HAPLN1: variants seen among roughly 807,000 people sequenced by gnomAD.
HAPLN1 encodes the protein Cartilage link protein.
A neutral mutation model predicts 36.5 loss-of-function variants in HAPLN1; 13 were observed. The observed-to-expected ratio is 0.36, with a 90% CI of 0.23 to 0.57. The LOEUF (loss-of-function observed/expected upper bound fraction) is 0.57, where lower values mean the gene tolerates loss of function less well. HAPLN1 is among the 20% of genes least tolerant of loss of function. The pLI is 0.83. For missense variants in HAPLN1, 407 were observed against 439.7 expected (o/e 0.93, Z 0.66); for synonymous variants, 202 against 169.8 (o/e 1.19, Z -1.48).
At chr5:83,684,791 A>C (rs1231131703) in intron 1 of HAPLN1, among the ~76,000 whole-genome samples, 2 of 152,156 alleles carry the variant, frequency 1.3e-5, no homozygotes, top group Non-Finnish European at 2.9e-5. Flanking sequence ...CATTCCAACC[A>C]GTGCCACATC....
rs567677998 is a variant in HAPLN1 at position 83,676,993 on chromosome 5, T to C, written c.-26-3444A>G. 2.6e-5 allele frequency among the ~76,000 whole-genome samples: 4 copies of C among 152,322 alleles called. No homozygotes were observed. The South Asian group carries it at 8.3e-4, about 32-fold the overall frequency. ...TACCTTATCCAATGTGAAAGAGTAA[T>C]AGTTTGATAGAAATGCAGATATACT... On this transcript the variant is annotated intron_variant, in intron 1 of 4. Coordinates refer to ENST00000274341, the MANE Select transcript of HAPLN1 (RefSeq NM_001884.4).
chr5:83,659,854 C>T (rs777163983), intron 2 of HAPLN1, among the ~76,000 whole-genome samples: 3 of 151,874 alleles, frequency 2.0e-5, no homozygotes, highest in African/African-American at 4.8e-5. Context: ...TGGTTTTGAA[C>T]CATAAAGGAA....
chr5:83,687,695 A>G lies in HAPLN1; in HGVS notation c.-26-14146T>C, dbSNP rs575258485. Among the ~76,000 whole-genome samples, 12 of 152,336 alleles carry G rather than the reference A, an allele frequency of 7.9e-5. No homozygotes were observed. The South Asian group carries it at 1.7e-3, about 21-fold the overall frequency. On this transcript the variant is annotated intron_variant, in intron 1 of 4. Transcript: ENST00000274341. ...GCACATATGCTGAAAAAATTTCTTC[A>G]TAACTGTTTTGCAAGTTATATCTGT...
intron 1 of HAPLN1, among the ~76,000 whole-genome samples, chr5:83,681,045 T>G: frequency 6.6e-6 from 1 of 152,210 alleles, no homozygotes; most frequent in South Asian, 2.1e-4. Context: ...AAAGACATTT[T>G]ATAAATTCAC....
At chr5:83,691,843 A>G (rs1467303428) in intron 1 of HAPLN1, among the ~76,000 whole-genome samples, 1 of 151,974 alleles carries the variant, frequency 6.6e-6, no homozygotes, top group Non-Finnish European at 1.5e-5. Flanking sequence ...GAAACAGTAG[A>G]TAAGAACATT....
At chr5:83,648,396 T>C (rs568839753) in intron 3 of HAPLN1, among the ~76,000 whole-genome samples, 161 of 4,316 alleles carry the variant, frequency 0.037, 2 homozygotes, top group African/African-American at 0.099. Flanking sequence ...TATATTTGAC[T>C]ATATATATAT....
intron 2 of HAPLN1, among the ~76,000 whole-genome samples, chr5:83,656,173 C>G (rs1355197966): frequency 6.6e-6 from 1 of 151,492 alleles, no homozygotes; most frequent in Admixed American, 6.6e-5. Flanking sequence ...ACTAAAAGTA[C>G]AAAAATTAGA....
Position 83,652,591 on chromosome 5 carries a change from C to G in HAPLN1, c.334G>C (p.Val112Leu), listed in dbSNP as rs1284116454. ...CTATCACTGCCTCCCTTCAGAAACA[C>G]TCTACCCTGGTAGCCTCCATAGGTT... ...KKTYGGYQGR[V>L]FLKGGSDSDA... The change falls in exon 3 of 5, where the codon GTG (valine) becomes CTG (leucine). Residue 112 changes from valine (V) to leucine (L), a missense_variant. Val to Leu is a conservative substitution (Grantham distance 32). Coordinates refer to ENST00000274341, the MANE Select transcript of HAPLN1 (RefSeq NM_001884.4). 2.5e-6 allele frequency: 4 copies of G among 1,614,190 alleles called. No individual in the cohort carries two copies. The highest frequency in any genetic ancestry group is 3.4e-6 in the Non-Finnish European group (4 of 1,180,014).
intron 1 of HAPLN1, among the ~76,000 whole-genome samples, chr5:83,687,871 T>G (rs1002092111): frequency 1.3e-5 from 2 of 152,194 alleles, no homozygotes; most frequent in Non-Finnish European, 2.9e-5. Flanking sequence ...CATTCTGAGT[T>G]ATTGTTCTTG....
intron 3 of HAPLN1, among the ~76,000 whole-genome samples, chr5:83,649,431 T>C (rs1456415447): frequency 6.6e-6 from 1 of 152,058 alleles, no homozygotes; most frequent in African/African-American, 2.4e-5. Context: ...CCAAATCAAG[T>C]ATCTGGTTTT....
chr5:83,644,333 G>A, intron 4 of HAPLN1, 30 bp downstream of exon 4: 2 of 1,446,018 alleles, frequency 1.4e-6, no homozygotes, highest in Non-Finnish European at 9.2e-7. Flanking sequence ...CTGTGAGATA[G>A]GAAAGAAGGC....
chr5:83,667,462 C>CTA (rs1382118183), intron 2 of HAPLN1, among the ~76,000 whole-genome samples: 1 of 151,670 alleles, frequency 6.6e-6, no homozygotes, highest in Non-Finnish European at 1.5e-5. Context: ...GAATTATTAA[C>CTA]TATATATATA....
chr5:83,661,892 A>G (rs1053361211), intron 2 of HAPLN1, among the ~76,000 whole-genome samples: 1 of 152,162 alleles, frequency 6.6e-6, no homozygotes, highest in Admixed American at 6.5e-5. Context: ...AAAGGCTTTG[A>G]TGTTGCTGTG....
chr5:83,641,896 G>C, intron 4 of HAPLN1, 111 bp from the exon 5 acceptor site: 1 of 1,145,204 alleles, frequency 8.7e-7, no homozygotes, highest in Non-Finnish European at 1.3e-6. Context: ...ATAGAGCAAT[G>C]TTTGTAAAAT....
chr5:83,700,847 A>G (rs971990241), intron 1 of HAPLN1, among the ~76,000 whole-genome samples: 1 of 152,190 alleles, frequency 6.6e-6, no homozygotes, highest in African/African-American at 2.4e-5. Context: ...AGGACACAGT[A>G]AAAGAGTGCA....
At chr5:83,648,422 T>TAC (rs1554047516) in intron 3 of HAPLN1, among the ~76,000 whole-genome samples, 1 of 131,810 alleles carries the variant, frequency 7.6e-6, no homozygotes, top group Non-Finnish European at 1.6e-5. Context: ...TATATATATA[T>TAC]ATATATATAT....
intron 1 of HAPLN1, among the ~76,000 whole-genome samples, chr5:83,686,279 T>C (rs1751123063): frequency 6.6e-6 from 1 of 152,112 alleles, no homozygotes; most frequent in African/African-American, 2.4e-5. Flanking sequence ...AACCTACCTG[T>C]CTTAAAAGGA....
intron 1 of HAPLN1, among the ~76,000 whole-genome samples, chr5:83,676,951 A>G (rs989827862): frequency 2.0e-5 from 3 of 152,236 alleles, no homozygotes; most frequent in African/African-American, 7.2e-5. Flanking sequence ...TAATTGAAGC[A>G]TGATTTGGAA....
At chr5:83,691,634 G>T (rs1029082982) in intron 1 of HAPLN1, among the ~76,000 whole-genome samples, 4 of 151,886 alleles carry the variant, frequency 2.6e-5, no homozygotes, top group African/African-American at 9.7e-5. Flanking sequence ...ACAACGTATA[G>T]TAATATTTGT....
Sources: gnomAD v4.1 joint callset for allele counts (sites outside exome capture counted in the v4.1 genomes callset) on GRCh38, gnomAD v4.1.1 for gene constraint, MANE v1.5 for transcripts, NCBI Gene and HGNC (gene_info 2026-07-23, HGNC 2026-07-21) for gene names.